The following RELL1 variants were observed in gnomAD, a reference collection of about 807,000 sequenced individuals.
RELL1 encodes the protein RELT-like protein 1.
In RELL1, 10 loss-of-function variants were observed where a neutral mutation model predicts 23.0. The observed-to-expected ratio is 0.43, with a 90% CI of 0.27 to 0.74. RELL1 has a LOEUF of 0.74. Ranked by LOEUF, RELL1 falls within the 30% of genes least tolerant of loss-of-function variation. The probability of loss-of-function intolerance (pLI) is 0.19; values close to 1 mark genes in which losing one functional copy is unlikely to be tolerated. For synonymous variants in RELL1, 146 were observed against 146.8 expected (o/e 0.99, Z 0.04); for missense variants, 315 against 364.4 (o/e 0.86, Z 1.10).
At chr4:37,658,332 T>C (rs1247292538) in intron 1 of RELL1, among the ~76,000 whole-genome samples, 2 of 151,980 alleles carry the variant, frequency 1.3e-5, no homozygotes, top group Non-Finnish European at 2.9e-5. Context: ...AAGAGAACAG[T>C]TTAGGGTGAG....
intron 1 of RELL1, 42 bp downstream of exon 1, chr4:37,686,158 C>T: frequency 2.0e-6 from 3 of 1,515,046 alleles, no homozygotes; most frequent in East Asian, 2.5e-5. Context: ...CTCCCGGGAC[C>T]GGGCTCAGCA....
At chr4:37,634,219 G>A (rs1329039010) in intron 5 of RELL1, among the ~76,000 whole-genome samples, 1 of 152,242 alleles carries the variant, frequency 6.6e-6, no homozygotes, top group African/African-American at 2.4e-5. Context: ...AGAAAGCCAA[G>A]ACACAGTGGA....
intron 6 of RELL1, among the ~76,000 whole-genome samples, chr4:37,603,305 C>T (rs940744283): frequency 6.6e-6 from 1 of 152,156 alleles, no homozygotes; most frequent in Non-Finnish European, 1.5e-5. Flanking sequence ...CAAAGAAGTC[C>T]CAGCTGTCCT....
chr4:37,592,208 C>CAAA (rs34307749), intron 6 of RELL1, among the ~76,000 whole-genome samples: 6 of 93,362 alleles, frequency 6.4e-5, no homozygotes, highest in African/African-American at 2.3e-4. Flanking sequence ...GACTCCATCT[C>CAAA]AAAAAAAAAA....
intron 5 of RELL1, among the ~76,000 whole-genome samples, chr4:37,633,206 C>T (rs765672385): frequency 2.6e-5 from 4 of 152,088 alleles, no homozygotes; most frequent in South Asian, 2.1e-4. Context: ...GTCAGGAGTT[C>T]GAGACCAGCC....
chr4:37,620,870 C>T (rs1336606208), intron 6 of RELL1, among the ~76,000 whole-genome samples: 5 of 152,152 alleles, frequency 3.3e-5, no homozygotes, highest in Non-Finnish European at 7.3e-5. Context: ...AATTTAACAC[C>T]TAACCTATTT....
downstream of RELL1, among the ~76,000 whole-genome samples, chr4:37,605,783 GAGAAAGAAAGAGAA>G (rs1719177176): frequency 2.8e-5 from 2 of 70,526 alleles, no homozygotes; most frequent in Admixed American, 1.6e-4. Context: ...GAGAGAGAGA[GAGAAAGAAAGAGAA>G]AGAAAGAAAG....
intron 1 of RELL1, among the ~76,000 whole-genome samples, chr4:37,661,030 C>CAA (rs529594921): frequency 9.2e-6 from 1 of 108,702 alleles, no homozygotes; most frequent in Non-Finnish European, 2.0e-5. Flanking sequence ...GACTCTGTCT[C>CAA]AAAAAAAAAA....
intron 1 of RELL1, among the ~76,000 whole-genome samples, chr4:37,668,464 A>G (rs1233682766): frequency 1.3e-5 from 2 of 152,188 alleles, no homozygotes; most frequent in South Asian, 2.1e-4. Flanking sequence ...GTGATCCGCC[A>G]GCCTCGGCCT....
chr4:37,671,595 TA>T (rs920073964), intron 1 of RELL1, among the ~76,000 whole-genome samples: 5 of 152,230 alleles, frequency 3.3e-5, no homozygotes, highest in Non-Finnish European at 7.4e-5. Context: ...CTATATGGTC[TA>T]AAAAAAGTAG....
intron 6 of RELL1, among the ~76,000 whole-genome samples, chr4:37,628,382 G>A (rs1720020469): frequency 1.3e-5 from 2 of 152,080 alleles, no homozygotes; most frequent in Admixed American, 6.5e-5. Flanking sequence ...CTGCCGTGGC[G>A]AGGATTACAG....
intron 5 of RELL1, among the ~76,000 whole-genome samples, chr4:37,632,427 C>T (rs1720176006): frequency 6.6e-6 from 1 of 152,178 alleles, no homozygotes; most frequent in African/African-American, 2.4e-5. Flanking sequence ...GCCTCAGCCT[C>T]CCAAAGTTTT....
downstream of RELL1, chr4:37,588,729 C>T (rs534999767): frequency 3.9e-5 from 28 of 713,476 alleles, no homozygotes; most frequent in East Asian, 7.1e-4. Flanking sequence ...TATCCTTTTG[C>T]CAAAATGTGT....
chr4:37,588,782 C>A (rs1365703161), downstream of RELL1: 4 of 1,236,170 alleles, frequency 3.2e-6, no homozygotes, highest in Non-Finnish European at 4.7e-6. Flanking sequence ...AAAAAAAAGG[C>A]AAACTTAATT....
At chr4:37,619,226 G>T (rs1374810607) in intron 6 of RELL1, among the ~76,000 whole-genome samples, 1 of 138,906 alleles carries the variant, frequency 7.2e-6, no homozygotes, top group South Asian at 2.3e-4. Context: ...TCTGTCACCC[G>T]GGCTGGAGTG....
At chr4:37,605,765 A>AGAAAG (rs1719173724), downstream of RELL1, among the ~76,000 whole-genome samples, 1 of 92,070 alleles carries the variant, frequency 1.1e-5, no homozygotes. Flanking sequence ...AGAATAAAGA[A>AGAAAG]AGAGAGAGAG....
At chr4:37,632,084 GAAAAAAA>G (rs1183120605) in intron 5 of RELL1, among the ~76,000 whole-genome samples, 1 of 44,458 alleles carries the variant, frequency 2.2e-5, no homozygotes, top group African/African-American at 9.7e-5. Context: ...TCTCAATAAG[GAAAAAAA>G]AAAAAAAAAA....
chr4:37,633,518 C>A (rs1720215574), intron 5 of RELL1, among the ~76,000 whole-genome samples: 1 of 144,560 alleles, frequency 6.9e-6, no homozygotes, highest in South Asian at 2.3e-4. Flanking sequence ...TTTGTCCAAA[C>A]AAGCTACAGG....
chr4:37,642,184 A>G (rs776456631), intron 3 of RELL1, among the ~76,000 whole-genome samples: 19 of 152,266 alleles, frequency 1.2e-4, no homozygotes, highest in Non-Finnish European at 2.6e-4. Context: ...TCATTTATAA[A>G]GGAATCTTTT....
Sources: allele counts gnomAD v4.1 joint callset (sites outside exome capture counted in the v4.1 genomes callset), GRCh38; gene constraint gnomAD v4.1.1; transcripts MANE v1.5; gene names NCBI Gene and HGNC (gene_info 2026-07-23, HGNC 2026-07-21).